The following COLGALT2 variants were observed in gnomAD, a reference collection of about 807,000 sequenced individuals.
COLGALT2 encodes the protein collagen beta(1-O)galactosyltransferase 2.
Under a neutral mutation model 73.4 loss-of-function variants are expected in COLGALT2, and 49 were observed. The ratio of observed to expected loss-of-function variants is 0.67; its 90% CI spans 0.53 to 0.85. The LOEUF is 0.85. COLGALT2 is among the 40% of genes least tolerant of loss of function. The probability of loss-of-function intolerance (pLI) is 0.00; values close to 1 mark genes in which losing one functional copy is unlikely to be tolerated. For synonymous variants in COLGALT2, 295 were observed against 307.6 expected (o/e 0.96, Z 0.43); for missense variants, 722 against 790.2 (o/e 0.91, Z 1.03).
At chr1:183,969,235 C>G (rs748545197) in intron 5 of COLGALT2, 34 bp downstream of exon 5, 65 of 1,553,326 alleles carry the variant, frequency 4.2e-5, no homozygotes, top group Non-Finnish European at 5.4e-5. Context: ...TGCTGTGTCT[C>G]CATTGTGGCA....
chr1:183,969,241 T>C (rs1184003830), intron 5 of COLGALT2, 28 bp downstream of exon 5: 31 of 1,573,672 alleles, frequency 2.0e-5, no homozygotes, highest in Non-Finnish European at 2.7e-5. Flanking sequence ...GTCTCCATTG[T>C]GGCACTACAA....
intron 11 of COLGALT2, 139 bp downstream of exon 11, chr1:183,940,442 C>T (rs1281129587): frequency 1.3e-6 from 1 of 795,062 alleles, no homozygotes; most frequent in Non-Finnish European, 2.1e-6. Context: ...CTGAGTTAGG[C>T]TCTCTTAATC....
At chr1:183,950,347 T>A (rs770467156) in intron 8 of COLGALT2, among the ~76,000 whole-genome samples, 2 of 151,996 alleles carry the variant, frequency 1.3e-5, no homozygotes, top group African/African-American at 2.4e-5. Context: ...TTAGTTGGAG[T>A]TATGCAAATA....
In COLGALT2 at chr1:184,037,213, G is replaced by T. The variant is rs778390406; in HGVS notation, c.145C>A (p.Pro49Thr). ...GEEPVVFPES[P>T]LQSPTVLVAV... ...ACGAGCACCGTGGGGCTCTGCAGGG[G>T]CGACTCCGGGAAAACCACCGGCTCC... The change falls in exon 1 of 12, where the codon CCC becomes ACC. Residue 49 changes from proline to threonine, a missense_variant. Coordinates refer to ENST00000361927, the MANE Select transcript of COLGALT2 (RefSeq NM_015101.4). The T allele has an allele frequency of 9.4e-6, 15 of 1,602,714 alleles. No homozygotes were observed. The Admixed American group carries it at 2.5e-4, about 27-fold the overall frequency.
At chr1:183,974,328 G>T (rs2148678) in intron 3 of COLGALT2, among the ~76,000 whole-genome samples, 43,865 of 151,986 alleles carry the variant, frequency 0.29, 7,929 homozygotes, top group African/African-American at 0.5. Context: ...ATTTATAAAA[G>T]AAATAATCAT....
intron 4 of COLGALT2, among the ~76,000 whole-genome samples, chr1:183,971,924 C>T (rs1476012903): frequency 1.3e-5 from 2 of 152,176 alleles, no homozygotes; most frequent in African/African-American, 4.8e-5. Flanking sequence ...AACATTTAAG[C>T]TGTTTGCATG....
At chr1:184,016,067 T>C (rs551623109) in intron 1 of COLGALT2, among the ~76,000 whole-genome samples, 2 of 152,316 alleles carry the variant, frequency 1.3e-5, no homozygotes, top group South Asian at 4.1e-4. Context: ...TCTGAGGCCA[T>C]ACACAGTTAA....
At chr1:183,992,163 TC>T (rs1423459029) in intron 1 of COLGALT2, among the ~76,000 whole-genome samples, 1 of 152,092 alleles carries the variant, frequency 6.6e-6, no homozygotes, top group Non-Finnish European at 1.5e-5. Flanking sequence ...TCTTACTATC[TC>T]CATTATACAG....
intron 11 of COLGALT2, among the ~76,000 whole-genome samples, chr1:183,940,025 C>G (rs1299108082): frequency 6.6e-6 from 1 of 152,208 alleles, no homozygotes; most frequent in Non-Finnish European, 1.5e-5. Flanking sequence ...ATGGGAGCCC[C>G]AAGCATCACA....
intron 1 of COLGALT2, among the ~76,000 whole-genome samples, chr1:184,013,417 T>C (rs931776968): frequency 3.3e-5 from 5 of 152,074 alleles, no homozygotes; most frequent in Non-Finnish European, 7.4e-5. Context: ...TCAAAGAAGG[T>C]GTGGTCTGTT....
Position 183,985,678 on chromosome 1 carries a change from A to G in COLGALT2, c.264-7158T>C, listed in dbSNP as rs1462372014. Reference sequence around the variant, plus strand: ...TCTAAGACCTCTGTCACTATAGAAGAGGTCTGCGATTGGTGGAGTAGCAGG... The same window carrying G: ...TCTAAGACCTCTGTCACTATAGAAGGGGTCTGCGATTGGTGGAGTAGCAGG... On this transcript the variant is annotated intron_variant, in intron 1 of 11. Transcript: ENST00000361927. Among the ~76,000 whole-genome samples the G allele has an allele frequency of 2.0e-5, 3 of 152,182 alleles. No individual in the cohort carries two copies. The East Asian group carries it at 5.8e-4, about 29-fold the overall frequency.
chr1:183,983,139 G>C (rs1475405961), intron 1 of COLGALT2, among the ~76,000 whole-genome samples: 1 of 152,182 alleles, frequency 6.6e-6, no homozygotes, highest in Non-Finnish European at 1.5e-5. Context: ...TTACTTCCCT[G>C]AATTAAGATT....
downstream of COLGALT2, among the ~76,000 whole-genome samples, chr1:183,933,462 T>C (rs1669885801): frequency 6.6e-6 from 1 of 152,216 alleles, no homozygotes; most frequent in African/African-American, 2.4e-5. Flanking sequence ...CCTTCAAGTC[T>C]TCACAATTTA....
chr1:183,969,916 T>C lies in COLGALT2; in HGVS notation c.628-443A>G. 1.3e-5 allele frequency among the ~76,000 whole-genome samples: 2 copies of C among 152,208 alleles called. 1 individual carries two copies. Among genetic ancestry groups the C allele is most frequent in the Admixed American group, 1.3e-4 (2 of 15,290 alleles). ...CTTGCTGCGCTTATTTCCTCATCTC[T>C]AAAACAGGGATGACGGCACTATCTA... is the stretch of plus-strand genomic sequence containing the variant. On this transcript the variant is annotated intron_variant, in intron 4 of 11. Transcript: ENST00000361927.
chr1:184,024,579 T>C (rs976764088), intron 1 of COLGALT2, among the ~76,000 whole-genome samples: 13 of 151,782 alleles, frequency 8.6e-5, no homozygotes, highest in Middle Eastern at 3.4e-3. Flanking sequence ...CTCAAACTCT[T>C]GACCTTGGTG....
intron 1 of COLGALT2, among the ~76,000 whole-genome samples, chr1:183,982,898 C>G (rs940269671): frequency 6.6e-6 from 1 of 152,218 alleles, no homozygotes; most frequent in East Asian, 1.9e-4. Flanking sequence ...TCTTTGCCTT[C>G]TCTACATCAA....
chr1:183,939,659 T>C (rs1255254936), intron 11 of COLGALT2, among the ~76,000 whole-genome samples: 1 of 152,200 alleles, frequency 6.6e-6, no homozygotes, highest in Non-Finnish European at 1.5e-5. Context: ...TCTGACATGT[T>C]ATATACAAGA....
downstream of COLGALT2, among the ~76,000 whole-genome samples, chr1:183,933,890 G>A (rs1264108664): frequency 1.3e-5 from 2 of 152,302 alleles, no homozygotes; most frequent in Admixed American, 1.3e-4. Context: ...TAAAGAGAAG[G>A]CAATCCTCAG....
chr1:184,026,961 G>C (rs966269231), intron 1 of COLGALT2, among the ~76,000 whole-genome samples: 6 of 152,116 alleles, frequency 3.9e-5, no homozygotes, highest in African/African-American at 1.4e-4. Flanking sequence ...AAGAATGTGA[G>C]GGAGTGTCGT....
Sources: allele counts gnomAD v4.1 joint callset (sites outside exome capture counted in the v4.1 genomes callset), GRCh38; gene constraint gnomAD v4.1.1; transcripts MANE v1.5; gene names NCBI Gene and HGNC (gene_info 2026-07-23, HGNC 2026-07-21).